The following UTP20 variants were observed in gnomAD, a reference collection of about 807,000 sequenced individuals.
The protein encoded by UTP20 is small subunit processome component 20 homolog.
Under a neutral mutation model 329.5 loss-of-function variants are expected in UTP20, and 164 were observed. The observed-to-expected ratio is 0.50, with a 90% CI of 0.44 to 0.57. The LOEUF (loss-of-function observed/expected upper bound fraction) is 0.57, where lower values mean the gene tolerates loss of function less well. Among genes scored for constraint, UTP20 ranks in the 20% least tolerant of loss-of-function variants. The pLI is 0.00. For synonymous variants in UTP20, 1,151 were observed against 1,159.3 expected (o/e 0.99, Z 0.14); for missense variants, 3,055 against 3,284.2 (o/e 0.93, Z 1.71).
At chr12:101,346,646 C>T in intron 38 of UTP20, 58 bp downstream of exon 38, 1 of 1,484,602 alleles carries the variant, frequency 6.7e-7, no homozygotes, top group Non-Finnish European at 9.0e-7. Context: ...CACACTTTGC[C>T]AGAATATACA....
intron 15 of UTP20, among the ~76,000 whole-genome samples, chr12:101,304,498 C>T (rs924094166): frequency 6.6e-6 from 1 of 152,198 alleles, no homozygotes; most frequent in Non-Finnish European, 1.5e-5. Flanking sequence ...CAAAAGAAAG[C>T]CCTGGTCTGA....
At chr12:101,348,151 T>C (rs1316678863) in intron 38 of UTP20, among the ~76,000 whole-genome samples, 1 of 152,182 alleles carries the variant, frequency 6.6e-6, no homozygotes, top group South Asian at 2.1e-4. Flanking sequence ...TCTAGCCTTA[T>C]ATTTTTAACC....
intron 1 of UTP20, among the ~76,000 whole-genome samples, 170 bp from the exon 2 acceptor site, chr12:101,280,946 A>G (rs541943541): frequency 9.6e-4 from 146 of 152,318 alleles, no homozygotes; most frequent in African/African-American, 2.9e-3. Flanking sequence ...AGAAGTATTC[A>G]TTATCTTTGA....
rs116453656 is a variant in UTP20, at chr12:101,372,182, C to T, written c.6799-702C>T. 5.3e-3 allele frequency among the ~76,000 whole-genome samples: 809 copies of T among 152,254 alleles called. 5 individuals carry two copies. Among genetic ancestry groups the T allele is most frequent in the African/African-American group, 0.018 (765 of 41,554 alleles). ...AGAAGAAACGGTATCCCCATTTTAC[C>T]GCGAGGGAAAGGCAGGCTTGGAAAC... On this transcript the variant is annotated intron_variant, in intron 51 of 61. Coordinates refer to ENST00000261637, the MANE Select transcript of UTP20 (RefSeq NM_014503.3).
chr12:101,370,406 G>A (rs1327844584), intron 49 of UTP20, 26 bp from the exon 50 acceptor site: 1 of 1,605,492 alleles, frequency 6.2e-7, no homozygotes, highest in Admixed American at 1.7e-5. Context: ...TGTGCTGGCT[G>A]TTAACATCAC....
intron 25 of UTP20, among the ~76,000 whole-genome samples, chr12:101,326,249 A>G (rs973303213): frequency 1.1e-4 from 17 of 152,174 alleles, no homozygotes; most frequent in Non-Finnish European, 2.9e-5. Context: ...GCAGCACTGG[A>G]TACTATAGTT....
Position 101,345,665 on chromosome 12 carries a change from G to C in UTP20, c.4717G>C (p.Asp1573His), listed in dbSNP as rs138618335. Residue 1573 changes from aspartate to histidine, a missense_variant, in exon 37 of 62, where the codon GAC (aspartate) becomes CAC (histidine). Asp to His is a moderately conservative substitution (Grantham distance 81). Transcript: ENST00000261637. ...QLTHYHDPEM[D>H]FFENMKHIQI... Reference sequence around the variant, plus strand: ...TACTCATTACCATGACCCAGAAATGGACTTCTTTGAGAACATGAAGCACAT... The same window carrying C: ...TACTCATTACCATGACCCAGAAATGCACTTCTTTGAGAACATGAAGCACAT... 2.5e-6 allele frequency: 4 copies of C among 1,610,502 alleles called. No individual in the cohort carries two copies. The African/African-American group carries it at 5.4e-5, about 22-fold the overall frequency.
intron 14 of UTP20, among the ~76,000 whole-genome samples, chr12:101,301,755 A>G (rs1362055084): frequency 1.3e-5 from 2 of 152,200 alleles, no homozygotes; most frequent in Non-Finnish European, 2.9e-5. Flanking sequence ...AAACTTGAAA[A>G]ATAAAATCAA....
At chr12:101,281,091 A>T (rs765520916) in intron 1 of UTP20, 25 bp from the exon 2 acceptor site, 2 of 1,573,638 alleles carry the variant, frequency 1.3e-6, no homozygotes, top group African/African-American at 2.7e-5. Context: ...TTAATTATGT[A>T]TCTTAAATAT....
Position 101,366,001 on chromosome 12 carries a change from AG to A in UTP20, c.6125+379del, listed in dbSNP as rs1478832143. On this transcript the variant is annotated intron_variant, in intron 46 of 61. Transcript: ENST00000261637. ...ATCCCAGCACTTTGGGAAGCTAAGG[AG>A]GGCAGATCACCTGAGGTCAGGAGTT... Among the ~76,000 whole-genome samples the A allele has an allele frequency of 2.0e-5, 3 of 152,202 alleles. No individual in the cohort carries two copies. The East Asian group carries it at 5.8e-4, about 29-fold the overall frequency.
In UTP20 at chr12:101,317,681, G is replaced by A; in HGVS notation, c.2738+18G>A. 1 of 1,589,518 alleles carries A rather than the reference G, an allele frequency of 6.3e-7. No homozygotes were observed. On this transcript the variant is annotated intron_variant, in intron 22 of 61. Coordinates refer to ENST00000261637, the MANE Select transcript of UTP20 (RefSeq NM_014503.3). Reference sequence around the variant, plus strand: ...GCAGCAAAGTAAGTTCACCATTGCTGAAAGATCACAGATCCACAGTTCTGG... The same window carrying A: ...GCAGCAAAGTAAGTTCACCATTGCTAAAAGATCACAGATCCACAGTTCTGG...
chr12:101,356,850 A>G (rs767722668), intron 42 of UTP20, 76 bp from the exon 43 acceptor site: 3 of 1,503,836 alleles, frequency 2.0e-6, no homozygotes, highest in Non-Finnish European at 2.7e-6. Flanking sequence ...CGAGTAATTA[A>G]GAGACTAAAG....
Position 101,371,001 on chromosome 12 carries a change from C to T in UTP20, c.6688-57C>T, listed in dbSNP as rs1254714730. Reference sequence around the variant, plus strand: ...GGTTGCTTTAGCGTCAAATCTGCTTCCACGCATCTGCAGCAAAACACATGA... The same window carrying T: ...GGTTGCTTTAGCGTCAAATCTGCTTTCACGCATCTGCAGCAAAACACATGA... On this transcript the variant is annotated intron_variant, in intron 50 of 61. Transcript: ENST00000261637. 12 of 1,477,590 alleles carry T rather than the reference C, an allele frequency of 8.1e-6. No homozygotes were observed. In the African/African-American group the frequency reaches 1.4e-4, roughly 17 times the overall value. The allele number at this position is 1,477,590 out of a possible 1,614,324, so 91.5% of individuals were successfully genotyped here. A position where few individuals can be genotyped will look rare whatever the true frequency, so the allele number is the denominator to read the frequency against.
rs762833409 is a variant in UTP20 at position 101,344,715 on chromosome 12, G to A, written c.4570G>A (p.Glu1524Lys). The A allele has an allele frequency of 6.2e-6, 10 of 1,613,780 alleles. No individual in the cohort carries two copies. Among genetic ancestry groups the A allele is most frequent in the South Asian group, 2.2e-5 (2 of 91,072 alleles). The stretch of plus-strand genomic sequence containing the variant: ...AGAAATCATCCACCGTTCACTCCTG[G>A]AGAAATTGAGAAAAGGTCTGAAGAG... ...YREIIHRSLL[E>K]KLRKGLKSQT... Residue 1524 changes from glutamate (E) to lysine (K), a missense_variant, in exon 36 of 62, where the codon GAG (glutamate) becomes AAG (lysine). Coordinates refer to ENST00000261637, the MANE Select transcript of UTP20 (RefSeq NM_014503.3).
At chr12:101,306,418 A>G (rs1021862592) in intron 16 of UTP20, among the ~76,000 whole-genome samples, 1 of 152,134 alleles carries the variant, frequency 6.6e-6, no homozygotes, top group African/African-American at 2.4e-5. Context: ...AAAAATCACT[A>G]ACTTTAATTG....
chr12:101,306,140 G>A, intron 16 of UTP20, 75 bp downstream of exon 16: 2 of 1,428,784 alleles, frequency 1.4e-6, no homozygotes, highest in South Asian at 3.2e-5. Flanking sequence ...GGTTTTCAGA[G>A]CATCTTAGTT....
chr12:101,364,606 C>A (rs1365050768), intron 45 of UTP20, among the ~76,000 whole-genome samples: 2 of 152,150 alleles, frequency 1.3e-5, no homozygotes, highest in African/African-American at 4.8e-5. Context: ...TACCCACCTT[C>A]CTATTGATTT....
At chr12:101,287,108 G>T (rs77569927) in intron 5 of UTP20, among the ~76,000 whole-genome samples, 2,443 of 152,150 alleles carry the variant, frequency 0.016, 75 homozygotes, top group African/African-American at 0.056. Context: ...TTGGTCTTCC[G>T]GTTGTTTTCA....
chr12:101,355,679 C>T (rs1869695770), intron 41 of UTP20, among the ~76,000 whole-genome samples: 1 of 152,156 alleles, frequency 6.6e-6, no homozygotes, highest in African/African-American at 2.4e-5. Context: ...AGTTGAGTAA[C>T]TTCAACAGAG....
Sources: allele counts gnomAD v4.1 joint callset (sites outside exome capture counted in the v4.1 genomes callset), GRCh38; gene constraint gnomAD v4.1.1; transcripts MANE v1.5; gene names NCBI Gene and HGNC (gene_info 2026-07-23, HGNC 2026-07-21).